Variants in CHD2 observed in about 807,000 individuals in gnomAD.
CHD2 encodes ATP-dependent chromatin remodeler CHD2.
In CHD2, 28 loss-of-function variants were observed where a neutral mutation model predicts 243.9. The observed-to-expected ratio is 0.11, with a 90% CI of 0.09 to 0.16. The LOEUF (loss-of-function observed/expected upper bound fraction) is 0.16, where lower values mean the gene tolerates loss of function less well. Among genes scored for constraint, CHD2 ranks in the 10% least tolerant of loss-of-function variants. The pLI, the probability that CHD2 is intolerant of heterozygous loss-of-function variation, is 1.00. For missense variants in CHD2, 1,386 were observed against 2,209.8 expected (o/e 0.63, Z 7.47); for synonymous variants, 775 against 779.0 (o/e 0.99, Z 0.09).
At chr15:93,012,636 AAG>A (rs2054407197) in intron 36 of CHD2, among the ~76,000 whole-genome samples, 192 bp downstream of exon 36, 2 of 152,244 alleles carry the variant, frequency 1.3e-5, no homozygotes. Context: ...AATTCTGACA[AAG>A]AGTGTTTACC....
intron 34 of CHD2, 91 bp downstream of exon 34, chr15:93,004,842 A>G: frequency 7.2e-7 from 1 of 1,382,136 alleles, no homozygotes; most frequent in Non-Finnish European, 9.9e-7. Context: ...GCTTCAGTTG[A>G]GCTAAGCAAT....
chr15:92,907,856 G>T (rs909618163), intron 2 of CHD2, among the ~76,000 whole-genome samples: 1 of 152,094 alleles, frequency 6.6e-6, no homozygotes, highest in East Asian at 1.9e-4. Context: ...CAGGAGCTAG[G>T]TTGGCCCTGA....
intron 35 of CHD2, among the ~76,000 whole-genome samples, chr15:93,011,999 G>A (rs532133631): frequency 1.3e-5 from 2 of 152,280 alleles, no homozygotes; most frequent in East Asian, 3.9e-4. Flanking sequence ...TAGAGCCTTA[G>A]TCTCTAAATC....
chr15:93,003,131 A>G (rs897919612), intron 33 of CHD2, among the ~76,000 whole-genome samples: 4 of 152,172 alleles, frequency 2.6e-5, no homozygotes, highest in African/African-American at 4.8e-5. Flanking sequence ...AAAACAAGCA[A>G]AAATCTAGCT....
Position 93,024,902 on chromosome 15 carries a change from G to A in CHD2, c.*197G>A. The A allele has an allele frequency of 1.8e-6, 1 of 547,822 alleles. No individual in the cohort carries two copies. The highest frequency in any genetic ancestry group is 3.2e-6 in the Non-Finnish European group (1 of 315,246). The allele number at this position is 547,822 out of a possible 1,614,324, so 33.9% of individuals were successfully genotyped here. ...AGCTCTGATTCGGGTCACCACTCCTGCACTTTGGCACCCCATCCCATTCCA... is the reference window on the plus strand; with the variant it reads ...AGCTCTGATTCGGGTCACCACTCCTACACTTTGGCACCCCATCCCATTCCA... On this transcript the variant is annotated 3_prime_UTR_variant, in exon 39 of 39. Coordinates refer to ENST00000394196, the MANE Select transcript of CHD2 (RefSeq NM_001271.4).
intron 7 of CHD2, among the ~76,000 whole-genome samples, chr15:92,941,559 T>C (rs1441521475): frequency 6.6e-6 from 1 of 152,164 alleles, no homozygotes; most frequent in Admixed American, 6.5e-5. Context: ...CTTATAGTTT[T>C]CTATATCTTG....
chr15:93,015,120 C>A (rs531636481), intron 37 of CHD2, among the ~76,000 whole-genome samples: 2 of 152,024 alleles, frequency 1.3e-5, no homozygotes, highest in African/African-American at 4.8e-5. Flanking sequence ...GCTCTGTCAC[C>A]CAGGCTGGAG....
At chr15:92,986,496 TACTG>T (rs141937765) in intron 26 of CHD2, among the ~76,000 whole-genome samples, 1,912 of 152,296 alleles carry the variant, frequency 0.013, 45 homozygotes, top group African/African-American at 0.044. Context: ...TATTTCAAAA[TACTG>T]ACAGAATAGC....
Position 92,904,648 on chromosome 15 carries a change from A to T in CHD2, c.62+3349A>T, listed in dbSNP as rs1298415823. 8.7e-6 allele frequency: 11 copies of T among 1,263,368 alleles called. No homozygotes were observed. The East Asian group carries it at 4.3e-4, about 49-fold the overall frequency. The allele number at this position is 1,263,368 out of a possible 1,614,324, so 78.3% of individuals were successfully genotyped here. ...CCGGGAATGGTTTATCCTCTTTGAG[A>T]AGCGGCTGCTTTTGGAGAAAAAGTG... On this transcript the variant is annotated intron_variant, in intron 2 of 38. Coordinates refer to ENST00000394196, the MANE Select transcript of CHD2 (RefSeq NM_001271.4).
At chr15:92,976,191 G>GA (rs61415403) in intron 20 of CHD2, among the ~76,000 whole-genome samples, 81 of 149,368 alleles carry the variant, frequency 5.4e-4, no homozygotes, top group Admixed American at 8.0e-4. Flanking sequence ...TGTCTCAGGG[G>GA]AAAAAAAAAA....
chr15:92,938,375 TA>T (rs1196103572), intron 6 of CHD2, among the ~76,000 whole-genome samples: 2 of 152,222 alleles, frequency 1.3e-5, no homozygotes, highest in Non-Finnish European at 2.9e-5. Context: ...TTGAATTATT[TA>T]AAAAAATTTG....
intron 22 of CHD2, among the ~76,000 whole-genome samples, chr15:92,979,605 C>A (rs1455407224): frequency 6.6e-6 from 1 of 151,056 alleles, no homozygotes; most frequent in Non-Finnish European, 1.5e-5. Flanking sequence ...TTTGACTTTT[C>A]TGCAGTGAGA....
intron 20 of CHD2, among the ~76,000 whole-genome samples, chr15:92,977,151 C>A (rs1466474235): frequency 6.6e-6 from 1 of 152,024 alleles, no homozygotes; most frequent in African/African-American, 2.4e-5. Context: ...CTTAAATTGT[C>A]CACTGTTTAT....
rs1362975042 is a variant in CHD2, at chr15:92,931,358, T to C, written c.443+2267T>C. Among the ~76,000 whole-genome samples the C allele has an allele frequency of 2.0e-5, 3 of 152,198 alleles. No homozygotes were observed. In the South Asian group the frequency reaches 6.2e-4, roughly 32 times the overall value. Reference sequence around the variant, plus strand: ...TATACTTTACCCAGATTACCATTTTTCCTCCATTTGCTTTATTATTATGGG... The same window carrying C: ...TATACTTTACCCAGATTACCATTTTCCCTCCATTTGCTTTATTATTATGGG... On this transcript the variant is annotated intron_variant, in intron 5 of 38. Transcript: ENST00000394196.
intron 5 of CHD2, 72 bp downstream of exon 5, chr15:92,929,163 G>A (rs926739601): frequency 2.1e-6 from 3 of 1,428,896 alleles, no homozygotes; most frequent in East Asian, 2.5e-5. Flanking sequence ...GACTGCCTTC[G>A]TTGTGTCTTT....
At chr15:92,935,218 A>G (rs1399977196) in intron 5 of CHD2, among the ~76,000 whole-genome samples, 1 of 151,966 alleles carries the variant, frequency 6.6e-6, no homozygotes, top group Non-Finnish European at 1.5e-5. Context: ...TTGTATTTTT[A>G]GTAGATACGG....
rs558808130 is a variant in CHD2 at position 93,025,003 on chromosome 15, G to T, written c.*298G>T. On this transcript the variant is annotated 3_prime_UTR_variant, in exon 39 of 39. Transcript: ENST00000394196. The stretch of plus-strand genomic sequence containing the variant: ...GTGTGTGTACCAGCTTCACTGGGAT[G>T]TGTTTCCCCAGTCAAGGAACAGGGG... The T allele has an allele frequency of 1.4e-5, 5 of 350,346 alleles. No individual in the cohort carries two copies. The East Asian group carries it at 2.9e-4, about 20-fold the overall frequency. 21.7% of individuals were successfully genotyped at this position (350,346 alleles called of 1,614,324 possible).
chr15:92,955,489 T>A lies in CHD2; in HGVS notation c.1786T>A (p.Tyr596Asn), dbSNP rs1823412493. The part of the protein sequence containing the change: ...RLKFNALITT[Y>N]EILLKDKTVL... ...GAAGTTCAACGCACTTATAACAACA[T>A]ATGAGATCCTCTTGAAAGATAAGGT... The change falls in exon 15 of 39, where the codon TAT becomes AAT. Residue 596 changes from tyrosine (Y) to asparagine (N), a missense_variant. Transcript: ENST00000394196. 1 of 1,594,648 alleles carries A rather than the reference T, an allele frequency of 6.3e-7. No homozygotes were observed. Among genetic ancestry groups the A allele is most frequent in the Non-Finnish European group, 8.5e-7 (1 of 1,173,154 alleles).
Position 92,944,284 on chromosome 15 carries a change from A to G in CHD2, c.1053-131A>G, listed in dbSNP as rs1191452543. On this transcript the variant is annotated intron_variant, in intron 9 of 38. Coordinates refer to ENST00000394196, the MANE Select transcript of CHD2 (RefSeq NM_001271.4). The stretch of plus-strand genomic sequence containing the variant: ...TTGTAAAATCTCTGGCGTAATTACT[A>G]GTAAAGATTACTTAAGGGGCAGATG... The G allele has an allele frequency of 1.4e-5, 7 of 513,770 alleles. No individual in the cohort carries two copies. In the East Asian group the frequency reaches 2.0e-4, roughly 15 times the overall value. 31.8% of individuals were successfully genotyped at this position (513,770 alleles called of 1,614,324 possible). A position where few individuals can be genotyped will look rare whatever the true frequency, so the allele number is the denominator to read the frequency against.
Sources: gnomAD v4.1 joint callset for allele counts (sites outside exome capture counted in the v4.1 genomes callset) on GRCh38, gnomAD v4.1.1 for gene constraint, MANE v1.5 for transcripts, NCBI Gene and HGNC (gene_info 2026-07-23, HGNC 2026-07-21) for gene names.